The following ABCD2 variants were observed in gnomAD, a reference collection of about 807,000 sequenced individuals.
The protein encoded by ABCD2 is ATP binding cassette subfamily D member 2.
ABCD2 carries 36 observed loss-of-function variants against 70.9 expected under a neutral mutation model. The observed-to-expected ratio is 0.51, with a 90% CI of 0.39 to 0.67. The LOEUF is 0.67. Among genes scored for constraint, ABCD2 ranks in the 30% least tolerant of loss-of-function variants. The probability of loss-of-function intolerance (pLI) is 0.00; values close to 1 mark genes in which losing one functional copy is unlikely to be tolerated. For missense variants in ABCD2, 729 were observed against 890.2 expected (o/e 0.82, Z 2.30); for synonymous variants, 304 against 306.9 (o/e 0.99, Z 0.10).
At position 39,604,065 on chromosome 12, in the gene ABCD2, G is replaced by A. The variant is rs12228617; in HGVS notation, c.1406-59C>T. 1.5e-4 allele frequency: 183 copies of A among 1,203,224 alleles called. 2 individuals carry two copies. The East Asian group carries it at 3.7e-3, about 24-fold the overall frequency. 74.5% of individuals were successfully genotyped at this position (1,203,224 alleles called of 1,614,324 possible). A position where few individuals can be genotyped will look rare whatever the true frequency, so the allele number is the denominator to read the frequency against. On this transcript the variant is annotated intron_variant, in intron 4 of 9. Coordinates refer to ENST00000308666, the MANE Select transcript of ABCD2 (RefSeq NM_005164.4). The stretch of plus-strand genomic sequence containing the variant: ...TATCACAGGTTTCTGATTAAATAAC[G>A]TAAATTATTATGCAGTATAACAGGT...
chr12:39,562,338 A>G (rs1055116492), intron 9 of ABCD2, among the ~76,000 whole-genome samples: 1 of 152,040 alleles, frequency 6.6e-6, no homozygotes, highest in Non-Finnish European at 1.5e-5. Flanking sequence ...AATAATATAC[A>G]TCAGAGTGGA....
intron 6 of ABCD2, 105 bp downstream of exon 6, chr12:39,600,466 T>C: frequency 8.9e-7 from 1 of 1,122,798 alleles, no homozygotes; most frequent in Non-Finnish European, 1.2e-6. Context: ...TAGTTTCTCT[T>C]AATAAAAACA....
At chr12:39,611,076 C>G (rs1454948941) in intron 2 of ABCD2, among the ~76,000 whole-genome samples, 1 of 152,130 alleles carries the variant, frequency 6.6e-6, no homozygotes, top group Non-Finnish European at 1.5e-5. Context: ...ATTTGGAGCT[C>G]TGATAGTAAA....
intron 9 of ABCD2, among the ~76,000 whole-genome samples, chr12:39,558,104 G>A (rs1941197223): frequency 6.6e-6 from 1 of 152,232 alleles, no homozygotes; most frequent in African/African-American, 2.4e-5. Context: ...CTACAGGGGT[G>A]AGCAGCCCAA....
chr12:39,567,099 T>C (rs1197560723), intron 9 of ABCD2, among the ~76,000 whole-genome samples: 1 of 152,228 alleles, frequency 6.6e-6, no homozygotes, highest in Non-Finnish European at 1.5e-5. Flanking sequence ...TAGAAGAATG[T>C]ATATTGTGTT....
At chr12:39,548,518 T>A (rs539101722), downstream of ABCD2, among the ~76,000 whole-genome samples, 1 of 152,066 alleles carries the variant, frequency 6.6e-6, no homozygotes, top group South Asian at 2.1e-4. Flanking sequence ...ACTCTGGAAA[T>A]ATCAGCATCT....
intron 9 of ABCD2, among the ~76,000 whole-genome samples, chr12:39,559,869 T>C (rs1941228497): frequency 6.6e-6 from 1 of 152,182 alleles, no homozygotes; most frequent in Non-Finnish European, 1.5e-5. Context: ...TAAGGAGTAC[T>C]AAAGGGAGTT....
chr12:39,559,627 A>G (rs1273513641), intron 9 of ABCD2, among the ~76,000 whole-genome samples: 3 of 152,064 alleles, frequency 2.0e-5, no homozygotes, highest in African/African-American at 7.2e-5. Context: ...GAAACCTGAA[A>G]GCAAGAAAAA....
intron 2 of ABCD2, among the ~76,000 whole-genome samples, chr12:39,608,867 C>A (rs1448579709): frequency 5.3e-5 from 8 of 152,002 alleles, no homozygotes; most frequent in Non-Finnish European, 1.2e-4. Context: ...CTCTGTCTAC[C>A]TTTCTCAACC....
In ABCD2 at chr12:39,600,730, TA is replaced by T. The variant is rs754294009; in HGVS notation, c.1501-15del. On this transcript the variant is annotated splice_polypyrimidine_tract_variant and intron_variant, in intron 5 of 9. Coordinates refer to ENST00000308666, the MANE Select transcript of ABCD2 (RefSeq NM_005164.4). The stretch of plus-strand genomic sequence containing the variant: ...TCCTTCTTCTACCTAAAGTAAGAAA[TA>T]AAATTACAAACTGCAATAGTTTAAA... The T allele has an allele frequency of 1.3e-6, 2 of 1,591,534 alleles. No homozygotes were observed. Among genetic ancestry groups the T allele is most frequent in the Non-Finnish European group, 1.7e-6 (2 of 1,169,364 alleles).
chr12:39,588,264 G>A (rs570312422), intron 6 of ABCD2, among the ~76,000 whole-genome samples: 2 of 152,166 alleles, frequency 1.3e-5, no homozygotes, highest in Admixed American at 1.3e-4. Context: ...TTCAATTGTG[G>A]ACCCAAAAAG....
intron 3 of ABCD2, among the ~76,000 whole-genome samples, chr12:39,605,826 C>A (rs531409639): frequency 2.0e-5 from 3 of 151,738 alleles, no homozygotes; most frequent in Non-Finnish European, 4.4e-5. Flanking sequence ...TAATAAATTG[C>A]GGAAAAATAC....
chr12:39,610,479 G>A lies in ABCD2; in HGVS notation c.1121-2765C>T, dbSNP rs1942030489. ...ACATGTAAATGTGTGATACAATTTA[G>A]ATAGCCACAAAAGGGGTACCAAAAT... On this transcript the variant is annotated intron_variant, in intron 2 of 9. Transcript: ENST00000308666. Among the ~76,000 whole-genome samples, 3 of 152,136 alleles carry A rather than the reference G, an allele frequency of 2.0e-5. No homozygotes were observed. In the South Asian group the frequency reaches 6.2e-4, roughly 32 times the overall value.
At chr12:39,603,023 G>T (rs1032124426) in intron 5 of ABCD2, among the ~76,000 whole-genome samples, 4 of 152,044 alleles carry the variant, frequency 2.6e-5, no homozygotes, top group Non-Finnish European at 4.4e-5. Context: ...TGACCAAATT[G>T]CAGCTAAAAA....
the ABCD2 span, among the ~76,000 whole-genome samples, chr12:39,543,378 A>G: frequency 9.2e-5 from 14 of 152,250 alleles, no homozygotes; most frequent in African/African-American, 3.1e-4. Context: ...CTGCAGTCAT[A>G]TATTACCATC....
intron 8 of ABCD2, among the ~76,000 whole-genome samples, chr12:39,577,019 C>T (rs2120606499): frequency 6.6e-6 from 1 of 151,640 alleles, no homozygotes; most frequent in East Asian, 1.9e-4. Flanking sequence ...AAAATAGCTA[C>T]ATCAAAATAA....
intron 5 of ABCD2, 56 bp downstream of exon 5, chr12:39,603,856 G>T: frequency 7.7e-7 from 1 of 1,297,198 alleles, no homozygotes; most frequent in Non-Finnish European, 1.1e-6. Context: ...TGAATTCTGA[G>T]TTGTTTTGTA....
the ABCD2 span, among the ~76,000 whole-genome samples, chr12:39,532,459 T>TA: frequency 6.6e-6 from 1 of 152,204 alleles, no homozygotes; most frequent in Non-Finnish European, 1.5e-5. Flanking sequence ...AGATTGATAA[T>TA]ATATATTACC....
At chr12:39,575,685 G>T (rs563444939) in intron 8 of ABCD2, among the ~76,000 whole-genome samples, 1 of 152,190 alleles carries the variant, frequency 6.6e-6, no homozygotes, top group Admixed American at 6.5e-5. Flanking sequence ...ATTTGAGAAT[G>T]AGGGAAGGCA....
Sources: gnomAD v4.1 joint callset for allele counts (sites outside exome capture counted in the v4.1 genomes callset) on GRCh38, gnomAD v4.1.1 for gene constraint, MANE v1.5 for transcripts, NCBI Gene and HGNC (gene_info 2026-07-23, HGNC 2026-07-21) for gene names.